ACVR1C: variants seen among roughly 807,000 people sequenced by gnomAD.
ACVR1C encodes the protein activin receptor type-1C.
In ACVR1C, 23 loss-of-function variants were observed where a neutral mutation model predicts 57.9. The observed-to-expected ratio is 0.40, with a 90% confidence interval of 0.29 to 0.56. The LOEUF is 0.56. Among genes scored for constraint, ACVR1C ranks in the 20% least tolerant of loss-of-function variants. The pLI, the probability that ACVR1C is intolerant of heterozygous loss-of-function variation, is 0.50. For synonymous variants in ACVR1C, 214 were observed against 215.3 expected (o/e 0.99, Z 0.05); for missense variants, 480 against 607.9 (o/e 0.79, Z 2.21).
intron 3 of ACVR1C, among the ~76,000 whole-genome samples, chr2:157,554,268 A>AAGGAAGGAAGGAAGGAAGG (rs1688019044): frequency 2.6e-5 from 3 of 113,560 alleles, no homozygotes; most frequent in African/African-American, 1.5e-4. Flanking sequence ...AGAAAGAAAG[A>AAGGAAGGAAGGAAGGAAGG]AAGGAAGGAA....
intron 2 of ACVR1C, among the ~76,000 whole-genome samples, chr2:157,563,149 G>A (rs1035951710): frequency 3.3e-5 from 5 of 152,134 alleles, no homozygotes; most frequent in African/African-American, 4.8e-5. Flanking sequence ...GAAATAAAGC[G>A]TATTCAAATA....
At chr2:157,536,754 T>C (rs372768679) in intron 8 of ACVR1C, among the ~76,000 whole-genome samples, 1 of 152,114 alleles carries the variant, frequency 6.6e-6, no homozygotes, top group Non-Finnish European at 1.5e-5. Context: ...TGAATAAGTC[T>C]AAATAATGAT....
chr2:157,539,192 A>G (rs945497383), intron 7 of ACVR1C, among the ~76,000 whole-genome samples: 3 of 152,046 alleles, frequency 2.0e-5, no homozygotes, highest in African/African-American at 7.2e-5. Context: ...TTTCAAAACA[A>G]AACAGCTTTC....
chr2:157,617,444 T>G (rs2105155096), intron 1 of ACVR1C, among the ~76,000 whole-genome samples: 1 of 152,058 alleles, frequency 6.6e-6, no homozygotes, highest in Admixed American at 6.5e-5. Flanking sequence ...CAGCCAAAAC[T>G]AATCTATGGT....
intron 2 of ACVR1C, among the ~76,000 whole-genome samples, chr2:157,575,617 A>G (rs933690968): frequency 6.6e-6 from 1 of 152,184 alleles, no homozygotes; most frequent in Admixed American, 6.5e-5. Context: ...AAACACTGCC[A>G]TTTATCTAAT....
chr2:157,600,288 A>G lies in ACVR1C; in HGVS notation c.74-12871T>C, dbSNP rs1056688348. 2.0e-5 allele frequency among the ~76,000 whole-genome samples: 3 copies of G among 152,244 alleles called. 1 individual carries two copies. Among genetic ancestry groups the G allele is most frequent in the South Asian group, 4.1e-4 (2 of 4,828 alleles). ...GATAGCAACCAAATGAGAAAAGAGC[A>G]GAGTTCAGTGATGAAAGGAGGACAT... On this transcript the variant is annotated intron_variant, in intron 1 of 8. Transcript: ENST00000243349.
intron 2 of ACVR1C, among the ~76,000 whole-genome samples, chr2:157,580,836 A>C (rs1488659238): frequency 2.0e-5 from 3 of 152,182 alleles, no homozygotes; most frequent in Admixed American, 6.5e-5. Context: ...TTCTTGCATA[A>C]ATCAGACAAC....
chr2:157,550,047 AG>A, intron 4 of ACVR1C, 114 bp downstream of exon 4: 84 of 780,300 alleles, frequency 1.1e-4, no homozygotes, highest in Admixed American at 2.4e-4. Context: ...AAAAAAAAAA[AG>A]AAGAGGTGAA....
chr2:157,617,351 T>A (rs1196795560), intron 1 of ACVR1C, among the ~76,000 whole-genome samples: 26 of 152,024 alleles, frequency 1.7e-4, no homozygotes, highest in Non-Finnish European at 1.5e-5. Flanking sequence ...GCTGCACACT[T>A]CTCTCAGTAA....
intron 1 of ACVR1C, among the ~76,000 whole-genome samples, chr2:157,591,849 A>G (rs906535480): frequency 6.6e-6 from 1 of 152,034 alleles, no homozygotes; most frequent in African/African-American, 2.4e-5. Flanking sequence ...TTCATACATA[A>G]CAAAATGAGG....
At chr2:157,555,045 C>T (rs578010427) in intron 3 of ACVR1C, among the ~76,000 whole-genome samples, 22 of 147,472 alleles carry the variant, frequency 1.5e-4, no homozygotes, top group African/African-American at 4.3e-4. Flanking sequence ...CCTTCAAATG[C>T]TTTGTGTTGT....
intron 1 of ACVR1C, among the ~76,000 whole-genome samples, chr2:157,624,486 C>T (rs1682856258): frequency 6.6e-6 from 1 of 152,214 alleles, no homozygotes; most frequent in African/African-American, 2.4e-5. Flanking sequence ...TGAAAATAAC[C>T]ACTTCCAAAA....
At chr2:157,628,505 T>G in intron 1 of ACVR1C, 67 bp downstream of exon 1, 8 of 1,517,936 alleles carry the variant, frequency 5.3e-6, no homozygotes, top group Non-Finnish European at 7.2e-6. Flanking sequence ...CCCACCCCCG[T>G]GCTCACCCGC....
intron 2 of ACVR1C, among the ~76,000 whole-genome samples, chr2:157,573,151 C>T (rs955701012): frequency 1.8e-4 from 28 of 152,096 alleles, no homozygotes; most frequent in Non-Finnish European, 8.8e-5. Flanking sequence ...TTGATAAATT[C>T]GATTTTAATG....
chr2:157,533,997 T>C lies in ACVR1C; in HGVS notation c.1403A>G (p.Asn468Ser), dbSNP rs1462855027. Residue 468 changes from asparagine to serine, a missense_variant, in exon 9 of 9, where the codon AAC (asparagine) becomes AGC (serine). Coordinates refer to ENST00000243349, the MANE Select transcript of ACVR1C (RefSeq NM_145259.3). ...AAGAGCAGTTAGGCGGGCCGCTCCG[T>C]TGGCATACCAACACTCACGCATTAT... ...GRIMRECWYA[N>S]GAARLTALRI... The C allele has an allele frequency of 2.5e-6, 4 of 1,596,766 alleles. No individual in the cohort carries two copies. Among genetic ancestry groups the C allele is most frequent in the Non-Finnish European group, 3.4e-6 (4 of 1,173,090 alleles).
intron 1 of ACVR1C, among the ~76,000 whole-genome samples, chr2:157,600,642 T>C (rs1682258508): frequency 6.6e-6 from 1 of 152,208 alleles, no homozygotes; most frequent in Non-Finnish European, 1.5e-5. Flanking sequence ...TCAGATATGA[T>C]AAAGAATAGA....
In ACVR1C at chr2:157,553,921, A is replaced by G. The variant is rs141847004; in HGVS notation, c.544+2172T>C. ...AATGTGGCCAGGTGCAGTGGCTCAC[A>G]CCTGTAATCCCAGCACTTTGGGTGG... On this transcript the variant is annotated intron_variant, in intron 3 of 8. Coordinates refer to ENST00000243349, the MANE Select transcript of ACVR1C (RefSeq NM_145259.3). 5.1e-4 allele frequency among the ~76,000 whole-genome samples: 78 copies of G among 151,998 alleles called. 1 individual carries two copies. Among genetic ancestry groups the G allele is most frequent in the Admixed American group, 3.5e-3 (53 of 15,234 alleles).
chr2:157,562,165 G>A (rs747059358), intron 2 of ACVR1C, among the ~76,000 whole-genome samples: 99 of 151,828 alleles, frequency 6.5e-4, no homozygotes, highest in Non-Finnish European at 1.2e-3. Context: ...GCATGGTGGC[G>A]CGTGCCTCTA....
At chr2:157,595,416 T>C (rs1006527884) in intron 1 of ACVR1C, among the ~76,000 whole-genome samples, 3 of 152,156 alleles carry the variant, frequency 2.0e-5, no homozygotes, top group Non-Finnish European at 4.4e-5. Context: ...TTTGCAGCCA[T>C]GTAGGGGGAA....
Sources: gnomAD v4.1 joint callset for allele counts (sites outside exome capture counted in the v4.1 genomes callset) on GRCh38, gnomAD v4.1.1 for gene constraint, MANE v1.5 for transcripts, NCBI Gene and HGNC (gene_info 2026-07-23, HGNC 2026-07-21) for gene names.